ZFYVE28: variants seen among roughly 807,000 people sequenced by gnomAD.
The protein encoded by ZFYVE28 is zinc finger FYVE-type containing 28.
A neutral mutation model predicts 82.1 loss-of-function variants in ZFYVE28; 40 were observed. The ratio of observed to expected loss-of-function variants is 0.49; its 90% confidence interval spans 0.38 to 0.63. The LOEUF (loss-of-function observed/expected upper bound fraction) is 0.63. Ranked by LOEUF, ZFYVE28 falls within the 30% of genes least tolerant of loss-of-function variation. ZFYVE28 has a pLI of 0.00. For missense variants in ZFYVE28, 1,321 were observed against 1,242.1 expected (o/e 1.06, Z -0.96); for synonymous variants, 612 against 546.1 (o/e 1.12, Z -1.68).
intron 6 of ZFYVE28, among the ~76,000 whole-genome samples, chr4:2,326,794 T>C (rs1306048983): frequency 1.3e-5 from 2 of 152,238 alleles, no homozygotes; most frequent in East Asian, 1.9e-4. Context: ...GTAGCTATTG[T>C]AAATGAGATT....
At position 2,300,847 on chromosome 4, in the gene ZFYVE28, G is replaced by A. The variant is rs192296850; in HGVS notation, c.2051+3442C>T. Among the ~76,000 whole-genome samples, 1 of 152,218 alleles carries A rather than the reference G, an allele frequency of 6.6e-6. No individual in the cohort carries two copies. Among genetic ancestry groups the A allele is most frequent in the East Asian group, 1.9e-4 (1 of 5,196 alleles). On this transcript the variant is annotated intron_variant, in intron 8 of 12. Transcript: ENST00000290974. This position sits in a 1 kb window ranked among gnomAD's most constrained non-coding sequence, Gnocchi z 4.6. ...AACCGTCCACGCCACAACCACAGGG[G>A]CTGCAGGGGCGTCTGCCGGGCGAGC...
At chr4:2,322,567 G>C (rs936268255) in intron 6 of ZFYVE28, among the ~76,000 whole-genome samples, 11 of 152,304 alleles carry the variant, frequency 7.2e-5, no homozygotes, top group South Asian at 6.2e-4. Context: ...GGGCCCTGCT[G>C]GAAGTGGGGG....
chr4:2,303,161 C>T (rs1715862653), intron 8 of ZFYVE28, among the ~76,000 whole-genome samples: 1 of 152,126 alleles, frequency 6.6e-6, no homozygotes, highest in African/African-American at 2.4e-5. Flanking sequence ...GCAGGGAGGC[C>T]CTGAGTCCTG....
chr4:2,403,018 C>T (rs921716793), intron 1 of ZFYVE28, among the ~76,000 whole-genome samples: 16 of 152,256 alleles, frequency 1.1e-4, no homozygotes, highest in African/African-American at 3.1e-4. Flanking sequence ...TGCCATTATC[C>T]GTGTTTGAGG....
At chr4:2,310,075 G>A (rs1717259603) in intron 7 of ZFYVE28, among the ~76,000 whole-genome samples, 1 of 151,588 alleles carries the variant, frequency 6.6e-6, no homozygotes, top group African/African-American at 2.4e-5. Context: ...GTCTTGCGCT[G>A]TCACCCAGGC....
chr4:2,353,781 G>A, intron 2 of ZFYVE28, 152 bp downstream of exon 2: 3 of 992,056 alleles, frequency 3.0e-6, no homozygotes, highest in Non-Finnish European at 2.7e-6. Flanking sequence ...GCCCGGGATG[G>A]TCCCTCTTCC....
Position 2,408,358 on chromosome 4 carries a change from C to G in ZFYVE28, c.39+9927G>C, listed in dbSNP as rs893649752. ...GAGAAGTGGAGGTGACAGCCCCCCC[C>G]ATTTAATGGGGGCTGGCCCTATGGA... On this transcript the variant is annotated intron_variant, in intron 1 of 12. Transcript: ENST00000290974. The surrounding 1 kb of genome is among the most constrained non-coding windows in gnomAD (Gnocchi z 4.3). Among the ~76,000 whole-genome samples the G allele has an allele frequency of 1.3e-5, 2 of 152,242 alleles. No individual in the cohort carries two copies. The highest frequency in any genetic ancestry group is 3.9e-4 in the East Asian group (2 of 5,174).
intron 8 of ZFYVE28, among the ~76,000 whole-genome samples, chr4:2,297,881 G>A (rs1385810538): frequency 5.6e-5 from 8 of 142,362 alleles, no homozygotes; most frequent in South Asian, 2.3e-4. Context: ...GGCAGAGGAC[G>A]AGCGGTGACA....
chr4:2,389,041 A>T (rs1389486262), intron 1 of ZFYVE28, among the ~76,000 whole-genome samples: 1 of 152,070 alleles, frequency 6.6e-6, no homozygotes, highest in Non-Finnish European at 1.5e-5. Context: ...TGGGGGAAGA[A>T]CCTGGGAGGC....
intron 8 of ZFYVE28, among the ~76,000 whole-genome samples, chr4:2,279,642 A>G (rs112773903): frequency 0.059 from 9,019 of 151,580 alleles, 573 homozygotes; most frequent in East Asian, 0.21. Flanking sequence ...TTAGCCAGGC[A>G]TGGTGGCGGG....
chr4:2,331,574 G>C (rs867124865), intron 6 of ZFYVE28, among the ~76,000 whole-genome samples: 1 of 152,268 alleles, frequency 6.6e-6, no homozygotes, highest in African/African-American at 2.4e-5. Flanking sequence ...GTTTGTCAAA[G>C]AGTCTGAGCC....
intron 1 of ZFYVE28, among the ~76,000 whole-genome samples, chr4:2,392,938 C>A (rs1729992571): frequency 6.6e-6 from 1 of 152,200 alleles, no homozygotes; most frequent in Non-Finnish European, 1.5e-5. Context: ...GTAGAATCGA[C>A]CCTGGCTGGA....
At chr4:2,377,155 G>A (rs1233087311) in intron 1 of ZFYVE28, among the ~76,000 whole-genome samples, 2 of 151,950 alleles carry the variant, frequency 1.3e-5, no homozygotes, top group Non-Finnish European at 2.9e-5. Flanking sequence ...CCGAGTAGCT[G>A]GGATTACAGG....
At position 2,391,712 on chromosome 4, in the gene ZFYVE28, C is replaced by T. The variant is rs185627254; in HGVS notation, c.39+26573G>A. Among the ~76,000 whole-genome samples the T allele has an allele frequency of 7.3e-5, 11 of 149,916 alleles. 1 individual carries two copies. The highest frequency in any genetic ancestry group is 3.4e-3 in the Middle Eastern group (1 of 294). ...TGTATCTATAAATTTGACAGTTCTA[C>T]GGCTTCCTGTAAGTCAATTCTCTCT... On this transcript the variant is annotated intron_variant, in intron 1 of 12. Transcript: ENST00000290974.
At chr4:2,342,764 A>C (rs1450593883) in intron 2 of ZFYVE28, 1 of 152,220 alleles carries the variant, frequency 6.6e-6, no homozygotes, top group African/African-American at 2.4e-5. Flanking sequence ...GGTTACAAAA[A>C]CACTGGAAGT....
Position 2,330,410 on chromosome 4 carries a change from G to GACAGC in ZFYVE28, c.701+5290_701+5294dup, listed in dbSNP as rs1218491466. 18 of 1,041,610 alleles carry GACAGC rather than the reference G, an allele frequency of 1.7e-5. No individual in the cohort carries two copies. In the East Asian group the frequency reaches 1.7e-3, roughly 99 times the overall value. The allele number at this position is 1,041,610 out of a possible 1,614,324, so 64.5% of individuals were successfully genotyped here. ...GAGTAGGGGACAGTGCAGAGGAGAG[G>GACAGC]ACAGCACGGAAGAGGGGACATCATG... On this transcript the variant is annotated intron_variant, in intron 6 of 12. Transcript: ENST00000290974.
At position 2,304,622 on chromosome 4, in the gene ZFYVE28, C is replaced by T; in HGVS notation, c.1718G>A (p.Ser573Asn). ...SCVCCGSCGD[S>N]REDVVERLRE... is the part of the protein sequence containing the mutation. ...CAGACGCTCCACCACGTCCTCCCTGCTGTCCCCGCAGCTCCCACAGCACAC... is the reference window on the plus strand; with the variant it reads ...CAGACGCTCCACCACGTCCTCCCTGTTGTCCCCGCAGCTCCCACAGCACAC... Residue 573 changes from serine to asparagine, a missense_variant, in exon 8 of 13, where the codon AGC (serine) becomes AAC (asparagine). By Grantham distance (46) the Ser-to-Asn change is conservative. Coordinates refer to ENST00000290974, the MANE Select transcript of ZFYVE28 (RefSeq NM_020972.3). 6.2e-7 allele frequency: 1 copy of T among 1,612,504 alleles called. No individual in the cohort carries two copies. The highest frequency in any genetic ancestry group is 8.5e-7 in the Non-Finnish European group (1 of 1,179,826).
rs531339772 is a variant in ZFYVE28 at position 2,417,154 on chromosome 4, C to A, written c.39+1131G>T. 6.6e-6 allele frequency among the ~76,000 whole-genome samples: 1 copy of A among 152,162 alleles called. No homozygotes were observed. Among genetic ancestry groups the A allele is most frequent in the South Asian group, 2.1e-4 (1 of 4,834 alleles). ...CGGTGGCCTCGGACGTCCGAGCTGC[C>A]CGGACGAAGCGCTGGCCCCACTCCC... On this transcript the variant is annotated intron_variant, in intron 1 of 12. Coordinates refer to ENST00000290974, the MANE Select transcript of ZFYVE28 (RefSeq NM_020972.3). The surrounding 1 kb of genome is among the most constrained non-coding windows in gnomAD (Gnocchi z 4.8).
Position 2,409,304 on chromosome 4 carries a change from G to A in ZFYVE28, c.39+8981C>T, listed in dbSNP as rs1167595433. 3.5e-5 allele frequency among the ~76,000 whole-genome samples: 5 copies of A among 144,492 alleles called. No individual in the cohort carries two copies. Among genetic ancestry groups the A allele is most frequent in the Non-Finnish European group, 6.0e-5 (4 of 66,906 alleles). The allele number at this position is 144,492 out of a possible 152,430, so 94.8% of individuals were successfully genotyped here. The stretch of plus-strand genomic sequence containing the variant: ...CAGAGTCGCCTGCTGCCATCCTCTC[G>A]CTGGAATCCCCGCCACCCACCAGTC... On this transcript the variant is annotated intron_variant, in intron 1 of 12. Transcript: ENST00000290974. This position sits in a 1 kb window ranked among gnomAD's most constrained non-coding sequence, Gnocchi z 4.4.
Sources: allele counts gnomAD v4.1 joint callset (sites outside exome capture counted in the v4.1 genomes callset), GRCh38; gene constraint gnomAD v4.1.1; non-coding constraint Gnocchi (gnomAD v3.1); transcripts MANE v1.5; gene names NCBI Gene and HGNC (gene_info 2026-07-23, HGNC 2026-07-21).